MRPS28: variants seen among roughly 807,000 people sequenced by gnomAD.
MRPS28 encodes the protein small ribosomal subunit protein bS1m.
Under a neutral mutation model 10.8 loss-of-function variants are expected in MRPS28, and 7 were observed. The observed-to-expected ratio is 0.65, with a 90% CI of 0.37 to 1.22. MRPS28 has a LOEUF of 1.22. MRPS28 is among the 50% of genes most tolerant of loss of function. The pLI is 0.02. For synonymous variants in MRPS28, 121 were observed against 93.3 expected, an observed-to-expected ratio of 1.30 and a Z score of -1.71; for missense variants, 265 against 232.9, an observed-to-expected ratio of 1.14 and a Z score of -0.90.
At chr8:79,941,464 A>G (rs1371805488) in intron 2 of MRPS28, among the ~76,000 whole-genome samples, 1 of 152,154 alleles carries the variant, frequency 6.6e-6, no homozygotes, top group Non-Finnish European at 1.5e-5. Context: ...GTTTCAGCTC[A>G]TTTCCCCTAC....
At chr8:79,920,250 T>C (rs1399228052) in intron 2 of MRPS28, among the ~76,000 whole-genome samples, 5 of 152,216 alleles carry the variant, frequency 3.3e-5, no homozygotes, top group Non-Finnish European at 7.3e-5. Context: ...GCAATAAACA[T>C]ACATGTGCAT....
chr8:79,953,462 CAAG>C (rs1195161725), intron 2 of MRPS28, among the ~76,000 whole-genome samples: 1 of 152,016 alleles, frequency 6.6e-6, no homozygotes, highest in Non-Finnish European at 1.5e-5. Flanking sequence ...CAAAACAGTA[CAAG>C]AAGGACAGTC....
intron 2 of MRPS28, among the ~76,000 whole-genome samples, chr8:79,967,677 T>G (rs371534432): frequency 1.3e-5 from 2 of 152,152 alleles, no homozygotes; most frequent in South Asian, 2.1e-4. Context: ...ATAATCAAGA[T>G]GGACGGCATT....
At chr8:79,960,862 T>G (rs547004473) in intron 2 of MRPS28, among the ~76,000 whole-genome samples, 9 of 152,220 alleles carry the variant, frequency 5.9e-5, no homozygotes, top group African/African-American at 2.2e-4. Context: ...CTTTTAAGAT[T>G]TAGGTGCTTT....
At chr8:79,958,959 T>A (rs1475788586) in intron 2 of MRPS28, among the ~76,000 whole-genome samples, 1 of 152,128 alleles carries the variant, frequency 6.6e-6, no homozygotes, top group Non-Finnish European at 1.5e-5. Context: ...TTTTGGAGAC[T>A]ATATGAGTTA....
intron 2 of MRPS28, among the ~76,000 whole-genome samples, chr8:79,940,107 C>T (rs1389818582): frequency 6.6e-6 from 1 of 152,106 alleles, no homozygotes. Context: ...TTCTGGGCCT[C>T]ATCCCCAGAT....
intron 1 of MRPS28, among the ~76,000 whole-genome samples, chr8:80,007,257 T>C (rs915308021): frequency 1.3e-5 from 2 of 152,170 alleles, no homozygotes; most frequent in African/African-American, 2.4e-5. Flanking sequence ...AATTAGGTAT[T>C]GATGGCACGT....
At chr8:79,995,758 A>G (rs1454902552) in intron 2 of MRPS28, among the ~76,000 whole-genome samples, 1 of 152,174 alleles carries the variant, frequency 6.6e-6, no homozygotes, top group Non-Finnish European at 1.5e-5. Flanking sequence ...TCCATACACT[A>G]AAGTACCCAC....
Position 80,003,180 on chromosome 8 carries a change from C to G in MRPS28, c.214G>C (p.Gly72Arg), listed in dbSNP as rs1808709694. ...AAGGATTCCACATTTTTTGGAGAAC[C>G]CTAAATATGAAAAGAGATATTTATA... ...LLQKVEPLQKGSPKNVESFAS... is the reference protein window; with the variant it reads ...LLQKVEPLQKRSPKNVESFAS... The change falls in exon 2 of 3, where the codon GGT (glycine) becomes CGT (arginine). Residue 72 changes from glycine to arginine, a missense_variant and splice_region_variant. By Grantham distance (125) the Gly-to-Arg change is moderately radical. Transcript: ENST00000276585. The G allele has an allele frequency of 6.4e-7, 1 of 1,568,132 alleles. No homozygotes were observed. The highest frequency in any genetic ancestry group is 1.2e-5 in the South Asian group (1 of 82,336).
intron 2 of MRPS28, among the ~76,000 whole-genome samples, chr8:79,929,950 C>T (rs530598791): frequency 6.6e-6 from 1 of 152,302 alleles, no homozygotes; most frequent in South Asian, 2.1e-4. Flanking sequence ...GTCAGCCAAA[C>T]AGTCAGAAGG....
intron 2 of MRPS28, among the ~76,000 whole-genome samples, chr8:79,931,999 AAT>A (rs920308746): frequency 1.3e-5 from 2 of 152,202 alleles, no homozygotes; most frequent in African/African-American, 4.8e-5. Flanking sequence ...ATGGGAAAAG[AAT>A]ATGAGTCTTG....
In MRPS28 at chr8:80,003,151, T is replaced by C. The variant is rs757490743; in HGVS notation, c.243A>G (p.Ala81=). ...TAAGAGGAGAATGTCTCAGCATAGA[T>C]GCAAAGGATTCCACATTTTTTGGAG... ...KGSPKNVESF[A]SMLRHSPLTQ... The change falls in exon 2 of 3, where the codon GCA becomes GCG. Residue 81 remains alanine (A), a synonymous_variant. Transcript: ENST00000276585. 6.3e-7 allele frequency: 1 copy of C among 1,592,842 alleles called. No homozygotes were observed. The highest frequency in any genetic ancestry group is 1.2e-5 in the South Asian group (1 of 86,410).
At chr8:79,937,549 CAGA>C (rs1806635206) in intron 2 of MRPS28, among the ~76,000 whole-genome samples, 1 of 152,112 alleles carries the variant, frequency 6.6e-6, no homozygotes. Context: ...CTCTAATTTT[CAGA>C]AGGTTGAAAC....
At chr8:79,923,594 A>G (rs1441880389) in intron 2 of MRPS28, among the ~76,000 whole-genome samples, 1 of 152,084 alleles carries the variant, frequency 6.6e-6, no homozygotes, top group Non-Finnish European at 1.5e-5. Context: ...GAAATCTTGT[A>G]TTTCCTATTA....
chr8:79,932,113 C>T (rs547642751), intron 2 of MRPS28, among the ~76,000 whole-genome samples: 1 of 152,114 alleles, frequency 6.6e-6, no homozygotes, highest in South Asian at 2.1e-4. Flanking sequence ...TTTTTAGAGG[C>T]CCATCTGTGG....
chr8:79,931,954 T>C (rs1806473438), intron 2 of MRPS28, among the ~76,000 whole-genome samples: 1 of 152,208 alleles, frequency 6.6e-6, no homozygotes, highest in Admixed American at 6.5e-5. Context: ...GTAGAGGGCC[T>C]TTCTGTTGAC....
At chr8:80,023,762 C>A (rs777052095) in intron 1 of MRPS28, among the ~76,000 whole-genome samples, 22 of 152,128 alleles carry the variant, frequency 1.4e-4, no homozygotes, top group Non-Finnish European at 2.4e-4. Flanking sequence ...AGCAGAAAAA[C>A]CAATTCTTTG....
intron 1 of MRPS28, among the ~76,000 whole-genome samples, chr8:80,020,832 G>T (rs780963537): frequency 2.2e-4 from 34 of 152,114 alleles, no homozygotes; most frequent in Non-Finnish European, 3.8e-4. Flanking sequence ...AAAAGGTCAG[G>T]TTGTAACAAA....
chr8:79,985,020 T>A (rs1363364457), intron 2 of MRPS28, among the ~76,000 whole-genome samples: 1 of 152,164 alleles, frequency 6.6e-6, no homozygotes, highest in African/African-American at 2.4e-5. Context: ...ACCACATAGT[T>A]GGAAGTAAAG....
Sources: allele counts gnomAD v4.1 joint callset (sites outside exome capture counted in the v4.1 genomes callset), GRCh38; gene constraint gnomAD v4.1.1; transcripts MANE v1.5; gene names NCBI Gene and HGNC (gene_info 2026-07-23, HGNC 2026-07-21).